The following TMCO4 variants were observed in gnomAD, a reference collection of about 807,000 sequenced individuals.
TMCO4 encodes the protein transmembrane and coiled-coil domains 4.
A neutral mutation model predicts 64.7 loss-of-function variants in TMCO4; 58 were observed. That is an observed-to-expected ratio of 0.90 (90% CI 0.73 to 1.12). The LOEUF (loss-of-function observed/expected upper bound fraction) is 1.12. Among genes scored for constraint, TMCO4 ranks in the 50% most tolerant of loss-of-function variants. The pLI is 0.00. For missense variants in TMCO4, 780 were observed against 825.9 expected (o/e 0.94, Z 0.68); for synonymous variants, 325 against 346.1 (o/e 0.94, Z 0.68).
rs765901594 is a variant in TMCO4 at position 19,770,586 on chromosome 1, C to T, written c.355-17G>A. ...CAGAAGGTCCTGAGGGAGAAGACAA[C>T]AGGCATCAATGACAAAGCTGATATA... On this transcript the variant is annotated splice_polypyrimidine_tract_variant and intron_variant, in intron 5 of 15. Transcript: ENST00000294543. 3.1e-6 allele frequency: 5 copies of T among 1,610,640 alleles called. No individual in the cohort carries two copies. Among genetic ancestry groups the T allele is most frequent in the African/African-American group, 2.7e-5 (2 of 74,666 alleles).
chr1:19,693,839 C>G (rs971152428), intron 15 of TMCO4, among the ~76,000 whole-genome samples: 1 of 152,166 alleles, frequency 6.6e-6, no homozygotes, highest in African/African-American at 2.4e-5. Context: ...CTGCTTCTCG[C>G]AGAAACATAC....
Position 19,739,964 on chromosome 1 carries a change from G to C in TMCO4, c.1043-4C>G. 13 of 1,611,864 alleles carry C rather than the reference G, an allele frequency of 8.1e-6. No individual in the cohort carries two copies. Among genetic ancestry groups the C allele is most frequent in the Non-Finnish European group, 1.1e-5 (13 of 1,179,044 alleles). ...CAGGTCAGGGCAGCCACAATGCCTG[G>C]GGAGGTGAGATAGTGATGAAGGGAA... On this transcript the variant is annotated splice_region_variant and splice_polypyrimidine_tract_variant and intron_variant, in intron 11 of 15. Coordinates refer to ENST00000294543, the MANE Select transcript of TMCO4 (RefSeq NM_181719.7).
chr1:19,780,840 A>G (rs2043440181), intron 3 of TMCO4, 74 bp from the exon 4 acceptor site: 1 of 1,275,840 alleles, frequency 7.8e-7, no homozygotes, highest in Non-Finnish European at 1.1e-6. Flanking sequence ...CACAGAACTT[A>G]CAAACCATAA....
chr1:19,717,105 G>A (rs2095360336), intron 13 of TMCO4, among the ~76,000 whole-genome samples: 1 of 152,222 alleles, frequency 6.6e-6, no homozygotes, highest in Admixed American at 6.5e-5. Flanking sequence ...AGAATGGCTT[G>A]AACTTGGGAG....
At chr1:19,747,373 C>A in intron 7 of TMCO4, 113 bp from the exon 8 acceptor site, 1 of 899,450 alleles carries the variant, frequency 1.1e-6, no homozygotes, top group Non-Finnish European at 1.8e-6. Context: ...CTCTGCCACT[C>A]AGAGTAAGGC....
intron 13 of TMCO4, among the ~76,000 whole-genome samples, chr1:19,730,712 T>C (rs10917527): frequency 0.11 from 16,030 of 152,196 alleles, 960 homozygotes; most frequent in African/African-American, 0.15. Flanking sequence ...GTGGAAGCTG[T>C]GAAGACAGTT....
chr1:19,742,523 G>C (rs1408390525), intron 10 of TMCO4, among the ~76,000 whole-genome samples: 3 of 152,154 alleles, frequency 2.0e-5, no homozygotes, highest in African/African-American at 7.2e-5. Context: ...CCTCTGGGGG[G>C]ACCCTGTCTC....
intron 6 of TMCO4, among the ~76,000 whole-genome samples, chr1:19,769,569 C>T (rs2042891477): frequency 6.6e-6 from 1 of 152,186 alleles, no homozygotes; most frequent in Non-Finnish European, 1.5e-5. Flanking sequence ...AGGATGCTGG[C>T]AATTTCTTCT....
intron 2 of TMCO4, among the ~76,000 whole-genome samples, chr1:19,792,297 C>T (rs191726177): frequency 1.0e-3 from 153 of 152,298 alleles, no homozygotes; most frequent in African/African-American, 3.6e-3. Context: ...GCCTACAGCT[C>T]GGCTGCACAG....
At position 19,682,775 on chromosome 1, in the gene TMCO4, G is replaced by T; in HGVS notation, c.*265C>A. On this transcript the variant is annotated 3_prime_UTR_variant, in exon 16 of 16. Coordinates refer to ENST00000294543, the MANE Select transcript of TMCO4 (RefSeq NM_181719.7). ...GGTCCTGGGACTCTAACCTGTGCTTGGTTGACTCTGCAGGTCTCTGATGAG... is the reference window on the plus strand; with the variant it reads ...GGTCCTGGGACTCTAACCTGTGCTTTGTTGACTCTGCAGGTCTCTGATGAG... 1 of 719,092 alleles carries T rather than the reference G, an allele frequency of 1.4e-6. No homozygotes were observed. The allele number at this position is 719,092 out of a possible 1,614,324, so 44.5% of individuals were successfully genotyped here.
intron 15 of TMCO4, among the ~76,000 whole-genome samples, 158 bp from the exon 16 acceptor site, chr1:19,683,602 A>T (rs1394513756): frequency 6.6e-6 from 1 of 152,184 alleles, no homozygotes; most frequent in African/African-American, 2.4e-5. Context: ...TCTCAAATCC[A>T]GAGTGGGTGG....
intron 4 of TMCO4, among the ~76,000 whole-genome samples, chr1:19,774,167 G>A (rs1205370510): frequency 6.6e-6 from 1 of 152,200 alleles, no homozygotes; most frequent in Admixed American, 6.5e-5. Flanking sequence ...TATTTGGGGA[G>A]GGGATGGCTA....
In TMCO4 at chr1:19,694,504, A is replaced by T. The variant is rs761729038; in HGVS notation, c.1430T>A (p.Leu477His). 9 of 1,614,064 alleles carry T rather than the reference A, an allele frequency of 5.6e-6. No individual in the cohort carries two copies. The South Asian group carries it at 7.7e-5, about 14-fold the overall frequency. The part of the protein sequence containing the change: ...SFVYRTSSVQ[L>H]RVAGLQPVLL... ...CACGGGCTGTAGGCCGGCGACACGG[A>T]GCTGCACCGAGGATGTGCGGTACAC... The change falls in exon 15 of 16, where the codon CTC (leucine) becomes CAC (histidine). Residue 477 changes from leucine to histidine, a missense_variant. Physicochemically the swap from Leu to His is moderately conservative, Grantham distance 99 (BLOSUM62 -3). Coordinates refer to ENST00000294543, the MANE Select transcript of TMCO4 (RefSeq NM_181719.7).
intron 13 of TMCO4, among the ~76,000 whole-genome samples, chr1:19,703,514 C>T (rs2095285600): frequency 6.7e-6 from 1 of 150,356 alleles, no homozygotes; most frequent in South Asian, 2.1e-4. Context: ...TTCCTTTCTC[C>T]CTCCCTCCTT....
At chr1:19,708,181 T>C (rs1230915039) in intron 13 of TMCO4, among the ~76,000 whole-genome samples, 1 of 152,150 alleles carries the variant, frequency 6.6e-6, no homozygotes, top group East Asian at 1.9e-4. Flanking sequence ...TGTCACATGC[T>C]GAACCATTCT....
intron 6 of TMCO4, among the ~76,000 whole-genome samples, chr1:19,757,161 G>GA (rs570387894): frequency 0.04 from 5,988 of 148,402 alleles, 288 homozygotes; most frequent in Non-Finnish European, 0.057. Flanking sequence ...CGTGGTGGCG[G>GA]GGGGGGGCGC....
chr1:19,788,348 C>G (rs1354817771), intron 2 of TMCO4, among the ~76,000 whole-genome samples: 1 of 151,964 alleles, frequency 6.6e-6, no homozygotes, highest in Non-Finnish European at 1.5e-5. Context: ...AATTTTCTGC[C>G]ACAAATTTGT....
chr1:19,708,030 G>A (rs1453637884), intron 13 of TMCO4, among the ~76,000 whole-genome samples: 1 of 152,050 alleles, frequency 6.6e-6, no homozygotes, highest in East Asian at 1.9e-4. Context: ...TCAACACAGC[G>A]GGATTACAAC....
intron 13 of TMCO4, among the ~76,000 whole-genome samples, chr1:19,715,078 C>T (rs796426059): frequency 4.9e-4 from 74 of 152,102 alleles, no homozygotes; most frequent in African/African-American, 1.5e-3. Context: ...CCCACCTCTA[C>T]AAAAAGAATT....
Sources: allele counts gnomAD v4.1 joint callset (sites outside exome capture counted in the v4.1 genomes callset), GRCh38; gene constraint gnomAD v4.1.1; transcripts MANE v1.5; gene names NCBI Gene and HGNC (gene_info 2026-07-23, HGNC 2026-07-21).